The following SORCS2 variants were observed in gnomAD, a reference collection of about 807,000 sequenced individuals.
The protein encoded by SORCS2 is sortilin related VPS10 domain containing receptor 2.
Under a neutral mutation model 141.6 loss-of-function variants are expected in SORCS2, and 100 were observed. The observed-to-expected ratio is 0.71, with a 90% confidence interval of 0.60 to 0.83. SORCS2 has a LOEUF of 0.83. Among genes scored for constraint, SORCS2 ranks in the 40% least tolerant of loss-of-function variants. The pLI is 0.00. For missense variants in SORCS2, 1,646 were observed against 1,560.2 expected, an observed-to-expected ratio of 1.05 and a Z score of -0.93; for synonymous variants, 789 against 676.9, an observed-to-expected ratio of 1.17 and a Z score of -2.57.
At chr4:7,407,177 A>G (rs1725021135) in intron 2 of SORCS2, among the ~76,000 whole-genome samples, 1 of 152,090 alleles carries the variant, frequency 6.6e-6, no homozygotes, top group Non-Finnish European at 1.5e-5. Flanking sequence ...CATAAATGCC[A>G]GTTAGGCCTA....
In SORCS2 at chr4:7,733,474, T is replaced by C. The variant is rs1284436032; in HGVS notation, c.3208+53T>C. ...ATGGGTGGAGGAGGCATCCGGGCCC[T>C]GGAGAAGCCATGTCCCTGCAGGGCC... On this transcript the variant is annotated intron_variant, in intron 24 of 26. Coordinates refer to ENST00000507866, the MANE Select transcript of SORCS2 (RefSeq NM_020777.3). 3.2e-5 allele frequency: 45 copies of C among 1,427,128 alleles called. No individual in the cohort carries two copies. In the East Asian group the frequency reaches 1.1e-3, roughly 34 times the overall value. The allele number at this position is 1,427,128 out of a possible 1,614,324, so 88.4% of individuals were successfully genotyped here.
At chr4:7,376,016 G>C (rs1722621922) in intron 1 of SORCS2, among the ~76,000 whole-genome samples, 1 of 152,192 alleles carries the variant, frequency 6.6e-6, no homozygotes, top group South Asian at 2.1e-4. Flanking sequence ...CTAGGTAAAT[G>C]CTTGTGATAC....
chr4:7,213,926 T>C (rs1875337), intron 1 of SORCS2, among the ~76,000 whole-genome samples: 55,490 of 152,066 alleles, frequency 0.36, 11,153 homozygotes, highest in East Asian at 0.54. Context: ...CTTTATTCCA[T>C]GTCCCTGCCC....
intron 3 of SORCS2, among the ~76,000 whole-genome samples, chr4:7,597,467 T>A (rs1473961667): frequency 1.7e-5 from 2 of 117,558 alleles, no homozygotes; most frequent in Non-Finnish European, 3.3e-5. Flanking sequence ...AAGAGGACTA[T>A]CGCAATAGGA....
At chr4:7,575,237 T>C (rs1228941760) in intron 3 of SORCS2, among the ~76,000 whole-genome samples, 1 of 152,246 alleles carries the variant, frequency 6.6e-6, no homozygotes, top group African/African-American at 2.4e-5. Context: ...GAGCCGTGTG[T>C]GTAATTTTAA....
chr4:7,592,953 C>T (rs1717015492), intron 3 of SORCS2, among the ~76,000 whole-genome samples: 1 of 152,230 alleles, frequency 6.6e-6, no homozygotes, highest in Admixed American at 6.5e-5. Context: ...TTGGGTTAAT[C>T]TACTGCTGTG....
At chr4:7,356,819 C>T (rs3894734) in intron 1 of SORCS2, among the ~76,000 whole-genome samples, 302 of 152,310 alleles carry the variant, frequency 2.0e-3, no homozygotes, top group African/African-American at 5.8e-3. Flanking sequence ...TGAATGAACA[C>T]GTTGATGAAT....
chr4:7,430,112 A>C lies in SORCS2; in HGVS notation c.548+33757A>C, dbSNP rs150732780. 1.4e-3 allele frequency among the ~76,000 whole-genome samples: 212 copies of C among 152,214 alleles called. 1 individual carries two copies. In the Middle Eastern group the frequency reaches 0.017, roughly 12 times the overall value. Reference sequence around the variant, plus strand: ...ATCCCTGGAGGTCACGGGAAGTGAAAGTGGGGGAGGGAGCGTGGACAGCAT... The same window carrying C: ...ATCCCTGGAGGTCACGGGAAGTGAACGTGGGGGAGGGAGCGTGGACAGCAT... On this transcript the variant is annotated intron_variant, in intron 2 of 26. Coordinates refer to ENST00000507866, the MANE Select transcript of SORCS2 (RefSeq NM_020777.3).
At chr4:7,602,944 G>A (rs531168754) in intron 3 of SORCS2, among the ~76,000 whole-genome samples, 2 of 152,370 alleles carry the variant, frequency 1.3e-5, no homozygotes, top group South Asian at 2.1e-4. Context: ...ATCACTCGCG[G>A]TCAGGAGCTG....
chr4:7,589,595 G>T (rs555849481), intron 3 of SORCS2, among the ~76,000 whole-genome samples: 59 of 152,206 alleles, frequency 3.9e-4, no homozygotes, highest in African/African-American at 1.3e-3. Flanking sequence ...TAAAGAAGGG[G>T]TTTCACCATA....
intron 1 of SORCS2, among the ~76,000 whole-genome samples, chr4:7,331,673 C>T (rs1188950606): frequency 2.6e-5 from 4 of 152,184 alleles, no homozygotes; most frequent in Non-Finnish European, 5.9e-5. Flanking sequence ...TGTTAAAATG[C>T]ACATTCTGAT....
intron 2 of SORCS2, among the ~76,000 whole-genome samples, chr4:7,454,924 GTGCTGTGTGTTGGGGTC>G (rs1728777007): frequency 8.3e-6 from 1 of 120,288 alleles, no homozygotes; most frequent in Non-Finnish European, 1.7e-5. Flanking sequence ...TTGGGGTCAG[GTGCTGTGTGTTGGGGTC>G]AGGAGCTGTG....
intron 1 of SORCS2, among the ~76,000 whole-genome samples, chr4:7,279,260 A>G (rs1715707766): frequency 6.6e-6 from 1 of 152,252 alleles, no homozygotes; most frequent in African/African-American, 2.4e-5. Context: ...CAAGAAAAAA[A>G]GGAAAAACAT....
intron 2 of SORCS2, among the ~76,000 whole-genome samples, chr4:7,425,546 C>A (rs1421480137): frequency 1.3e-5 from 2 of 152,214 alleles, no homozygotes; most frequent in African/African-American, 4.8e-5. Context: ...AAGCCCGACA[C>A]CTGAGCGGCT....
chr4:7,587,657 G>A (rs754208374), intron 3 of SORCS2, among the ~76,000 whole-genome samples: 1 of 152,206 alleles, frequency 6.6e-6, no homozygotes, highest in Middle Eastern at 3.2e-3. Context: ...CCACAGCAGC[G>A]TCTTCGCCTC....
intron 1 of SORCS2, among the ~76,000 whole-genome samples, chr4:7,268,954 G>A (rs979592156): frequency 1.3e-5 from 2 of 152,198 alleles, no homozygotes; most frequent in Non-Finnish European, 2.9e-5. Context: ...TGGCAGGACT[G>A]GAGACCCAGG....
intron 1 of SORCS2, among the ~76,000 whole-genome samples, chr4:7,395,969 C>T (rs1255112212): frequency 6.6e-6 from 1 of 152,242 alleles, no homozygotes; most frequent in Non-Finnish European, 1.5e-5. Flanking sequence ...ACTCCCTTTG[C>T]CACAGTTTGG....
intron 3 of SORCS2, among the ~76,000 whole-genome samples, chr4:7,532,950 C>G (rs1350852929): frequency 2.0e-5 from 3 of 152,056 alleles, no homozygotes; most frequent in African/African-American, 7.2e-5. Flanking sequence ...CGAGAGGCGC[C>G]TGCTGGAAGG....
chr4:7,480,444 T>A (rs1236798462), intron 2 of SORCS2, among the ~76,000 whole-genome samples: 1 of 151,828 alleles, frequency 6.6e-6, no homozygotes, highest in Admixed American at 6.6e-5. Context: ...CCCGGGGGGT[T>A]GGAGGAACCT....
Sources: gnomAD v4.1 joint callset for allele counts (sites outside exome capture counted in the v4.1 genomes callset) on GRCh38, gnomAD v4.1.1 for gene constraint, MANE v1.5 for transcripts, NCBI Gene and HGNC (gene_info 2026-07-23, HGNC 2026-07-21) for gene names.